ACTR3C: variants seen among roughly 807,000 people sequenced by gnomAD.
ACTR3C encodes actin related protein 3C.
A neutral mutation model predicts 26.3 loss-of-function variants in ACTR3C; 18 were observed. The ratio of observed to expected loss-of-function variants is 0.68; its 90% CI spans 0.47 to 1.01. The LOEUF is 1.01. Among genes scored for constraint, ACTR3C ranks in the 50% least tolerant of loss-of-function variants. The pLI is 0.00. For missense variants in ACTR3C, 184 were observed against 250.7 expected (o/e 0.73, Z 1.80); for synonymous variants, 55 against 94.5 (o/e 0.58, Z 2.42).
the ACTR3C span, among the ~76,000 whole-genome samples, chr7:150,145,286 G>C: frequency 2.6e-5 from 4 of 152,130 alleles, no homozygotes; most frequent in Admixed American, 2.6e-4. Flanking sequence ...CCCTGGAGAG[G>C]CTTGCGCTGT....
the ACTR3C span, among the ~76,000 whole-genome samples, chr7:150,114,238 T>G: frequency 6.6e-6 from 1 of 152,188 alleles, no homozygotes; most frequent in South Asian, 2.1e-4. Flanking sequence ...CCGGCAGGAT[T>G]TTCATGGTCC....
chr7:150,161,517 A>G, the ACTR3C span, among the ~76,000 whole-genome samples: 1 of 151,922 alleles, frequency 6.6e-6, no homozygotes, highest in Non-Finnish European at 1.5e-5. Flanking sequence ...TTCCAGCTTT[A>G]TCCATGTCCC....
At chr7:149,926,959 T>G in the ACTR3C span, among the ~76,000 whole-genome samples, 1 of 152,144 alleles carries the variant, frequency 6.6e-6, no homozygotes, top group African/African-American at 2.4e-5. Flanking sequence ...CACCCACTCT[T>G]GCCCTTCCTT....
chr7:150,212,529 T>C, the ACTR3C span, among the ~76,000 whole-genome samples: 2 of 149,456 alleles, frequency 1.3e-5, no homozygotes, highest in African/African-American at 2.5e-5. Flanking sequence ...TCTGAAATAC[T>C]TGGGGATGAT....
chr7:150,237,420 T>C, the ACTR3C span, among the ~76,000 whole-genome samples: 2 of 152,090 alleles, frequency 1.3e-5, no homozygotes, highest in Non-Finnish European at 2.9e-5. Context: ...CCAGTGGGAC[T>C]TGGCAGATAA....
At chr7:149,979,500 G>A in the ACTR3C span, among the ~76,000 whole-genome samples, 1 of 152,016 alleles carries the variant, frequency 6.6e-6, no homozygotes, top group African/African-American at 2.4e-5. Flanking sequence ...CAGTAACTTG[G>A]TCTTTAAAAG....
chr7:150,094,615 T>A, the ACTR3C span, among the ~76,000 whole-genome samples: 1 of 150,444 alleles, frequency 6.6e-6, no homozygotes, highest in African/African-American at 2.5e-5. Flanking sequence ...TCCACTGAGG[T>A]TTGGGTTCCT....
chr7:150,036,716 G>A, the ACTR3C span, among the ~76,000 whole-genome samples: 1 of 128,134 alleles, frequency 7.8e-6, no homozygotes, highest in Admixed American at 7.3e-5. Context: ...TCCCGAGCTG[G>A]AGCTGCGTTC....
the ACTR3C span, among the ~76,000 whole-genome samples, chr7:150,058,119 G>A: frequency 6.6e-6 from 1 of 152,040 alleles, no homozygotes; most frequent in African/African-American, 2.4e-5. Flanking sequence ...TTGGCATGAC[G>A]GAAGAGTTCT....
chr7:150,127,177 C>T, the ACTR3C span, among the ~76,000 whole-genome samples: 2 of 127,008 alleles, frequency 1.6e-5, no homozygotes, highest in African/African-American at 5.6e-5. Flanking sequence ...CACACACACA[C>T]ACACACACAC....
the ACTR3C span, among the ~76,000 whole-genome samples, chr7:149,940,453 A>C: frequency 6.6e-6 from 1 of 151,688 alleles, no homozygotes; most frequent in Non-Finnish European, 1.5e-5. Flanking sequence ...CTCAACCACT[A>C]GTATTGATCA....
At chr7:150,149,737 A>C in the ACTR3C span, among the ~76,000 whole-genome samples, 1 of 152,040 alleles carries the variant, frequency 6.6e-6, no homozygotes, top group Non-Finnish European at 1.5e-5. Flanking sequence ...TTTTAAATGC[A>C]ATACAGTGAC....
chr7:149,988,596 C>T, the ACTR3C span, among the ~76,000 whole-genome samples: 3 of 152,192 alleles, frequency 2.0e-5, no homozygotes, highest in African/African-American at 7.2e-5. Context: ...CGTTGGGCCA[C>T]TTAGCAAATT....
At chr7:150,180,162 G>C in the ACTR3C span, among the ~76,000 whole-genome samples, 1 of 150,168 alleles carries the variant, frequency 6.7e-6, no homozygotes. Context: ...AAAATTAGCC[G>C]GGCGTGGTCG....
At chr7:149,958,616 A>G in the ACTR3C span, among the ~76,000 whole-genome samples, 1 of 152,244 alleles carries the variant, frequency 6.6e-6, no homozygotes, top group Admixed American at 6.5e-5. Flanking sequence ...CATAAATAGT[A>G]CTAGTTCCTT....
the ACTR3C span, among the ~76,000 whole-genome samples, chr7:150,037,932 C>T: frequency 1.4e-5 from 2 of 138,248 alleles, no homozygotes; most frequent in Non-Finnish European, 3.2e-5. Context: ...GGGGTGCCTC[C>T]CCCCCTGCGA....
the ACTR3C span, among the ~76,000 whole-genome samples, chr7:149,934,175 A>G: frequency 1.3e-5 from 2 of 151,940 alleles, no homozygotes; most frequent in African/African-American, 4.8e-5. Flanking sequence ...TCCAGGTGTC[A>G]AGTTTGACTC....
chr7:150,005,142 A>G, the ACTR3C span: 1 of 152,260 alleles, frequency 6.6e-6, no homozygotes, highest in Non-Finnish European at 1.5e-5. Context: ...TGGTCATCTG[A>G]GTAAAGGATA....
chr7:150,070,108 C>A, the ACTR3C span, among the ~76,000 whole-genome samples: 1 of 152,192 alleles, frequency 6.6e-6, no homozygotes, highest in Non-Finnish European at 1.5e-5. Context: ...ACCACACATT[C>A]CACAGCTTTG....
Sources: gnomAD v4.1 joint callset for allele counts (sites outside exome capture counted in the v4.1 genomes callset) on GRCh38, gnomAD v4.1.1 for gene constraint, MANE v1.5 for transcripts, NCBI Gene and HGNC (gene_info 2026-07-23, HGNC 2026-07-21) for gene names.